The following MCF2 variants were observed in gnomAD, a reference collection of about 807,000 sequenced individuals.
MCF2 encodes the protein MCF.2 cell line derived transforming sequence.
In MCF2, 44 loss-of-function variants were observed where a neutral mutation model predicts 82.5. That is an observed-to-expected ratio of 0.53 (90% confidence interval 0.42 to 0.69). MCF2 has a LOEUF of 0.69. Among genes scored for constraint, MCF2 ranks in the 30% least tolerant of loss-of-function variants. The pLI, the probability that MCF2 is intolerant of heterozygous loss-of-function variation, is 0.00. For missense variants in MCF2, 623 were observed against 663.1 expected (o/e 0.94, Z 0.66); for synonymous variants, 217 against 224.9 (o/e 0.96, Z 0.32).
upstream of MCF2, among the ~76,000 whole-genome samples, chrX:139,644,331 T>A (rs1012795918): frequency 4.5e-5 from 5 of 112,119 alleles, no homozygotes; most frequent in Non-Finnish European, 3.8e-5. Flanking sequence ...GATTTCATCA[T>A]CTATAAGACA....
At chrX:139,706,463 A>T (rs1271909012) in intron 1 of MCF2, among the ~76,000 whole-genome samples, 2 of 112,202 alleles carry the variant, frequency 1.8e-5, no homozygotes, top group Non-Finnish European at 3.8e-5. Flanking sequence ...GTGCAGGAAC[A>T]GAAAACCAAA....
chrX:139,676,747 G>A (rs528717565), intron 1 of MCF2, among the ~76,000 whole-genome samples: 4 of 111,878 alleles, frequency 3.6e-5, no homozygotes, highest in Admixed American at 1.9e-4. Context: ...GATAAATGTC[G>A]GCCATTGTTA....
At chrX:139,642,746 G>A (rs890969923) in exon 1 of MCF2, 16 of 1,051,180 alleles carry the variant, frequency 1.5e-5, no homozygotes, top group Non-Finnish European at 1.7e-5. Context: ...TCTGCTCCTT[G>A]TAATTCAGAG....
intron 21 of MCF2, 76 bp from the exon 26 acceptor site, chrX:139,587,864 C>T: frequency 1.8e-6 from 1 of 562,086 alleles, no homozygotes. Context: ...GACTTTCTCT[C>T]TCTCACACAC....
Position 139,696,341 on chromosome X carries a change from TCTCTCCTCTC to T in MCF2, c.-45+11755_-45+11764del, listed in dbSNP as rs1213782978. On this transcript the variant is annotated intron_variant, in intron 1 of 27. Transcript: ENST00000414978. Reference sequence around the variant, plus strand: ...TCTTTCCTTCCTTCCTTCTTTCTCTTCTCTCCTCTCCTCTCCTCTCCTCTCCTCTCCTCTC... The same window carrying T: ...TCTTTCCTTCCTTCCTTCTTTCTCTTCTCTCCTCTCCTCTCCTCTCCTCTC... Among the ~76,000 whole-genome samples the T allele has an allele frequency of 6.8e-3, 588 of 86,097 alleles. 2 individuals are homozygous for T. The highest frequency in any genetic ancestry group is 0.031 in the African/African-American group (559 of 17,766). The allele number at this position is 86,097 out of a possible 115,157, so 74.8% of individuals were successfully genotyped here.
intron 21 of MCF2, 79 bp from the exon 26 acceptor site, chrX:139,587,867 TCA>T (rs3830799): frequency 0.072 from 27,956 of 388,182 alleles, 35 homozygotes; most frequent in East Asian, 0.078. Context: ...TTTCTCTCTC[TCA>T]CACACACACA....
intron 18 of MCF2, among the ~76,000 whole-genome samples, chrX:139,597,050 G>A (rs1930161923): frequency 9.0e-6 from 1 of 111,072 alleles, no homozygotes; most frequent in East Asian, 2.9e-4. Flanking sequence ...ATCCTGATTG[G>A]TGCATGATAT....
At chrX:139,602,896 A>G (rs997647821) in intron 15 of MCF2, among the ~76,000 whole-genome samples, 1 of 112,430 alleles carries the variant, frequency 8.9e-6, no homozygotes, top group African/African-American at 3.2e-5. Context: ...TCCTAGGTTC[A>G]TCACTGGGAC....
intron 1 of MCF2, among the ~76,000 whole-genome samples, chrX:139,677,404 T>C (rs906254030): frequency 8.0e-5 from 9 of 112,069 alleles, no homozygotes; most frequent in African/African-American, 2.9e-4. Context: ...AGCTTTCTAA[T>C]AAACTTTCAC....
At chrX:139,645,801 T>G (rs746787345), upstream of MCF2, 8 of 432,884 alleles carry the variant, frequency 1.8e-5, no homozygotes, top group South Asian at 2.9e-4. Flanking sequence ...TATCACAAAG[T>G]CCTATCTTAG....
At chrX:139,701,135 G>A (rs1035806291) in intron 1 of MCF2, among the ~76,000 whole-genome samples, 4 of 111,437 alleles carry the variant, frequency 3.6e-5, no homozygotes, top group African/African-American at 1.3e-4. Context: ...TGGTATTTAG[G>A]GGTTTCCCAT....
At chrX:139,586,021 T>C (rs1238385453) in intron 23 of MCF2, among the ~76,000 whole-genome samples, 4 of 111,467 alleles carry the variant, frequency 3.6e-5, no homozygotes, top group Non-Finnish European at 5.7e-5. Context: ...ATAGCAGGGG[T>C]TCCCAAACTT....
intron 8 of MCF2, among the ~76,000 whole-genome samples, chrX:139,616,974 C>T (rs1461452343): frequency 9.0e-6 from 1 of 111,552 alleles, no homozygotes; most frequent in Non-Finnish European, 1.9e-5. Context: ...AGTGATACCC[C>T]TATTTTATAT....
At chrX:139,596,926 C>A (rs142100007) in intron 18 of MCF2, among the ~76,000 whole-genome samples, 156 bp from the exon 23 acceptor site, 1,936 of 111,019 alleles carry the variant, frequency 0.017, 40 homozygotes, top group African/African-American at 0.059. Context: ...ATGGCATGCA[C>A]CACATAAGTA....
intron 1 of MCF2, among the ~76,000 whole-genome samples, chrX:139,687,367 T>C (rs1238683322): frequency 1.8e-5 from 2 of 113,189 alleles, no homozygotes; most frequent in Non-Finnish European, 3.7e-5. Flanking sequence ...GACACTGGCC[T>C]CTGGCCAGGA....
intron 1 of MCF2, among the ~76,000 whole-genome samples, chrX:139,639,405 T>C (rs1306675929): frequency 9.0e-6 from 1 of 111,573 alleles, no homozygotes; most frequent in Non-Finnish European, 1.9e-5. Flanking sequence ...GACATCTCAG[T>C]AAAAGCGAAC....
chrX:139,635,387 G>A (rs2148500601), intron 1 of MCF2, among the ~76,000 whole-genome samples: 1 of 111,491 alleles, frequency 9.0e-6, no homozygotes, highest in African/African-American at 3.3e-5. Flanking sequence ...TGGACACGGT[G>A]GCTCACACCT....
chrX:139,686,702 C>G (rs1305887266), intron 1 of MCF2, among the ~76,000 whole-genome samples: 1 of 111,605 alleles, frequency 9.0e-6, no homozygotes, highest in Non-Finnish European at 1.9e-5. Flanking sequence ...TACTCCATAT[C>G]CAAACCATTA....
At chrX:139,672,090 T>G (rs188205105) in intron 1 of MCF2, among the ~76,000 whole-genome samples, 5 of 111,682 alleles carry the variant, frequency 4.5e-5, no homozygotes, top group African/African-American at 1.3e-4. Flanking sequence ...TGAATGGGAG[T>G]TCACTCATGA....
Sources: allele counts gnomAD v4.1 joint callset (sites outside exome capture counted in the v4.1 genomes callset), GRCh38; gene constraint gnomAD v4.1.1; transcripts MANE v1.5; gene names NCBI Gene and HGNC (gene_info 2026-07-23, HGNC 2026-07-21).